Variants in SLC16A2 observed in about 807,000 individuals in gnomAD.
SLC16A2 encodes monocarboxylate transporter 8.
In SLC16A2, 3 loss-of-function variants were observed where a neutral mutation model predicts 27.2. The observed-to-expected ratio is 0.11, with a 90% confidence interval of 0.05 to 0.28. The LOEUF is 0.28. Among genes scored for constraint, SLC16A2 ranks in the 10% least tolerant of loss-of-function variants. The probability of loss-of-function intolerance (pLI) is 1.00; values close to 1 mark genes in which losing one functional copy is unlikely to be tolerated. For synonymous variants in SLC16A2, 202 were observed against 187.8 expected (o/e 1.08, Z -0.62); for missense variants, 295 against 458.5 (o/e 0.64, Z 3.26).
Position 74,467,141 on chromosome X carries a change from ACTT to A in SLC16A2, c.430+45080_430+45082del, listed in dbSNP as rs1157607802. Reference sequence around the variant, plus strand: ...TTCCTGCCTTTTTCTACCTTGCTGCACTTCTTCTGCCCATACAGGCTCAGCTCC... The same window carrying A: ...TTCCTGCCTTTTTCTACCTTGCTGCACTTCTGCCCATACAGGCTCAGCTCC... On this transcript the variant is annotated intron_variant, in intron 1 of 5. Coordinates refer to ENST00000587091, the MANE Select transcript of SLC16A2 (RefSeq NM_006517.5). Among the ~76,000 whole-genome samples, 7 of 111,792 alleles carry A rather than the reference ACTT, an allele frequency of 6.3e-5. No individual in the cohort carries two copies. In the East Asian group the frequency reaches 1.1e-3, roughly 18 times the overall value.
intron 1 of SLC16A2, among the ~76,000 whole-genome samples, chrX:74,471,037 T>C (rs1929346668): frequency 8.9e-6 from 1 of 112,720 alleles, no homozygotes; most frequent in Non-Finnish European, 1.9e-5. Context: ...CATTTGCAAG[T>C]ATTTTCTCCC....
intron 1 of SLC16A2, among the ~76,000 whole-genome samples, chrX:74,447,205 T>A (rs1461053075): frequency 8.9e-6 from 1 of 112,437 alleles, no homozygotes; most frequent in African/African-American, 3.2e-5. Context: ...GGTTATTAAG[T>A]TATTGACTTA....
intron 1 of SLC16A2, among the ~76,000 whole-genome samples, chrX:74,502,236 T>C (rs1194834900): frequency 2.7e-5 from 3 of 111,953 alleles, no homozygotes; most frequent in Non-Finnish European, 3.8e-5. Context: ...AACTCTTGCG[T>C]ATGTGATTCA....
intron 1 of SLC16A2, among the ~76,000 whole-genome samples, chrX:74,451,875 G>A (rs977913365): frequency 2.7e-5 from 3 of 112,799 alleles, no homozygotes; most frequent in Non-Finnish European, 5.6e-5. Context: ...GTTATAAATA[G>A]GAGGGAATGA....
chrX:74,422,211 C>T, intron 1 of SLC16A2, 144 bp downstream of exon 1: 1 of 636,258 alleles, frequency 1.6e-6, no homozygotes, highest in South Asian at 2.5e-5. Context: ...TTGCCCCTTG[C>T]CCCTTTCCAT....
chrX:74,485,264 G>A (rs1185966148), intron 1 of SLC16A2, among the ~76,000 whole-genome samples: 2 of 109,087 alleles, frequency 1.8e-5, no homozygotes, highest in Admixed American at 1.9e-4. Context: ...ACAAAAAAAG[G>A]CAAAGTTACA....
intron 1 of SLC16A2, chrX:74,473,368 C>G (rs1929397147): frequency 1.8e-6 from 1 of 542,211 alleles, no homozygotes; most frequent in Non-Finnish European, 3.3e-6. Flanking sequence ...ACTTCCACCT[C>G]TGGCTGGATG....
intron 1 of SLC16A2, among the ~76,000 whole-genome samples, chrX:74,452,004 G>T (rs1021999205): frequency 2.7e-5 from 3 of 112,731 alleles, no homozygotes; most frequent in Non-Finnish European, 5.6e-5. Context: ...GAAGGGAAAA[G>T]TTCAATGACT....
At chrX:74,461,634 A>G (rs1396583382) in intron 1 of SLC16A2, among the ~76,000 whole-genome samples, 2 of 111,735 alleles carry the variant, frequency 1.8e-5, no homozygotes, top group African/African-American at 3.3e-5. Flanking sequence ...AGAAGGCTCT[A>G]TTTTGGAGTT....
intron 3 of SLC16A2, 37 bp from the exon 4 acceptor site, chrX:74,525,713 C>T: frequency 8.3e-7 from 1 of 1,209,301 alleles, no homozygotes; most frequent in Non-Finnish European, 1.1e-6. Context: ...CCTCTTTCTC[C>T]TCCTGTTTCT....
At chrX:74,472,585 G>A (rs1020509255) in intron 1 of SLC16A2, among the ~76,000 whole-genome samples, 7 of 110,954 alleles carry the variant, frequency 6.3e-5, no homozygotes, top group African/African-American at 2.0e-4. Flanking sequence ...AGTACCACAC[G>A]GTTTTTATTA....
chrX:74,465,019 T>G (rs1929225009), intron 1 of SLC16A2, among the ~76,000 whole-genome samples: 1 of 111,679 alleles, frequency 9.0e-6, no homozygotes, highest in Non-Finnish European at 1.9e-5. Flanking sequence ...GACTCCCATC[T>G]CCAGTACTAG....
intron 1 of SLC16A2, among the ~76,000 whole-genome samples, chrX:74,434,074 T>G (rs1928579100): frequency 9.0e-6 from 1 of 111,663 alleles, no homozygotes; most frequent in Non-Finnish European, 1.9e-5. Flanking sequence ...CCAATTCAAT[T>G]AATATTGGTT....
chrX:74,465,124 G>A (rs1489507729), intron 1 of SLC16A2, among the ~76,000 whole-genome samples: 1 of 112,056 alleles, frequency 8.9e-6, no homozygotes, highest in East Asian at 2.8e-4. Context: ...CAGGATATGA[G>A]ATCCATCTCA....
intron 1 of SLC16A2, among the ~76,000 whole-genome samples, chrX:74,438,718 G>A (rs778436718): frequency 2.4e-4 from 27 of 111,608 alleles, no homozygotes; most frequent in African/African-American, 8.8e-4. Context: ...CCAGTTTTCC[G>A]GGGGTCTGAC....
chrX:74,497,875 G>A (rs1429130545), intron 1 of SLC16A2, among the ~76,000 whole-genome samples: 1 of 105,135 alleles, frequency 9.5e-6, no homozygotes, highest in Non-Finnish European at 1.9e-5. Context: ...AAGGAAGGGG[G>A]AACGAATGAG....
chrX:74,525,701 C>A (rs751655173), intron 3 of SLC16A2, 49 bp from the exon 4 acceptor site: 1 of 1,195,391 alleles, frequency 8.4e-7, no homozygotes, highest in African/African-American at 1.8e-5. Flanking sequence ...AACCAGTCAG[C>A]TCCTCTTTCT....
chrX:74,472,289 A>G (rs1373470351), intron 1 of SLC16A2, among the ~76,000 whole-genome samples: 1 of 111,406 alleles, frequency 9.0e-6, no homozygotes, highest in Non-Finnish European at 1.9e-5. Flanking sequence ...TGCCTATTCT[A>G]TTTACTTCTA....
intron 1 of SLC16A2, among the ~76,000 whole-genome samples, chrX:74,509,156 G>C (rs962004786): frequency 9.0e-6 from 1 of 110,706 alleles, no homozygotes; most frequent in African/African-American, 3.3e-5. Context: ...AGAGAGTGGG[G>C]TCTCACTATG....
Sources: allele counts gnomAD v4.1 joint callset (sites outside exome capture counted in the v4.1 genomes callset), GRCh38; gene constraint gnomAD v4.1.1; transcripts MANE v1.5; gene names NCBI Gene and HGNC (gene_info 2026-07-23, HGNC 2026-07-21).